Variants in TAFA1 observed in about 807,000 individuals in gnomAD.
TAFA1 encodes TAFA chemokine like family member 1.
TAFA1 carries 4 observed loss-of-function variants against 18.5 expected under a neutral mutation model. That is an observed-to-expected ratio of 0.22 (90% confidence interval 0.11 to 0.49). TAFA1 has a LOEUF of 0.49. Among genes scored for constraint, TAFA1 ranks in the 20% least tolerant of loss-of-function variants. The pLI is 0.98. For synonymous variants in TAFA1, 56 were observed against 55.2 expected (o/e 1.01, Z -0.06); for missense variants, 147 against 169.0 (o/e 0.87, Z 0.72).
At chr3:68,178,895 G>T (rs2066160320) in intron 2 of TAFA1, among the ~76,000 whole-genome samples, 1 of 152,208 alleles carries the variant, frequency 6.6e-6, no homozygotes, top group African/African-American at 2.4e-5. Flanking sequence ...CTTGAAGAAA[G>T]TCAGTAGTAT....
intron 2 of TAFA1, among the ~76,000 whole-genome samples, chr3:68,259,422 T>A (rs2067365250): frequency 6.6e-6 from 1 of 152,208 alleles, no homozygotes; most frequent in Non-Finnish European, 1.5e-5. Context: ...CGATGCGGGC[T>A]CTTTTTTGGT....
intron 2 of TAFA1, among the ~76,000 whole-genome samples, chr3:68,053,844 T>C (rs190235174): frequency 1.2e-4 from 18 of 152,142 alleles, no homozygotes; most frequent in Admixed American, 1.0e-3. Context: ...GCTCAGACTA[T>C]AAGCAAGCAC....
intron 2 of TAFA1, among the ~76,000 whole-genome samples, chr3:68,359,666 C>G (rs1022865967): frequency 4.6e-5 from 7 of 151,816 alleles, no homozygotes; most frequent in African/African-American, 1.5e-4. Flanking sequence ...CCCAGTGGGA[C>G]CGATGTTAAA....
chr3:68,120,269 A>G (rs1403027155), intron 2 of TAFA1, among the ~76,000 whole-genome samples: 2 of 111,936 alleles, frequency 1.8e-5, no homozygotes, highest in Admixed American at 2.3e-4. Context: ...TTCTTTTTTG[A>G]GACAGAGTCT....
chr3:68,159,742 T>G (rs2065903715), intron 2 of TAFA1, among the ~76,000 whole-genome samples: 1 of 152,146 alleles, frequency 6.6e-6, no homozygotes, highest in Admixed American at 6.6e-5. Flanking sequence ...CTGGAAAGTT[T>G]TTGGCCACCA....
chr3:68,274,468 A>G (rs184555610), intron 2 of TAFA1, among the ~76,000 whole-genome samples: 2 of 152,336 alleles, frequency 1.3e-5, no homozygotes, highest in Admixed American at 6.5e-5. Context: ...AGATTCAAAC[A>G]CTGCTGGCAG....
chr3:68,401,477 T>G (rs542037004), intron 2 of TAFA1, among the ~76,000 whole-genome samples: 1 of 152,176 alleles, frequency 6.6e-6, no homozygotes, highest in African/African-American at 2.4e-5. Flanking sequence ...CACAGTGGCA[T>G]CAAATAATAC....
At chr3:68,517,841 G>A (rs1013819462) in intron 3 of TAFA1, among the ~76,000 whole-genome samples, 5 of 152,096 alleles carry the variant, frequency 3.3e-5, no homozygotes, top group African/African-American at 1.2e-4. Context: ...ATAAGGCCTA[G>A]TTAATTAAGA....
intron 3 of TAFA1, among the ~76,000 whole-genome samples, chr3:68,509,578 G>A (rs189255569): frequency 6.6e-6 from 1 of 152,168 alleles, no homozygotes; most frequent in Admixed American, 6.6e-5. Flanking sequence ...AGGACTAGTA[G>A]AAGCCATGAA....
chr3:68,476,813 C>A (rs981767143), intron 3 of TAFA1, among the ~76,000 whole-genome samples: 4 of 152,044 alleles, frequency 2.6e-5, no homozygotes, highest in Admixed American at 1.3e-4. Flanking sequence ...TTAGTTATAA[C>A]TATTAGTGTT....
intron 2 of TAFA1, among the ~76,000 whole-genome samples, chr3:68,095,831 C>T (rs1397377176): frequency 6.6e-6 from 1 of 151,976 alleles, no homozygotes; most frequent in Non-Finnish European, 1.5e-5. Flanking sequence ...TTTATTGATA[C>T]ATAATATTTG....
intron 2 of TAFA1, among the ~76,000 whole-genome samples, chr3:68,187,751 C>T (rs1456929816): frequency 6.6e-6 from 1 of 152,004 alleles, no homozygotes; most frequent in African/African-American, 2.4e-5. Context: ...AGTTTTCTAA[C>T]ACATTACACA....
At chr3:68,402,392 C>G (rs1229513324) in intron 2 of TAFA1, among the ~76,000 whole-genome samples, 1 of 152,110 alleles carries the variant, frequency 6.6e-6, no homozygotes, top group Non-Finnish European at 1.5e-5. Context: ...ATCCGTGCAG[C>G]CAGAGAGGAA....
intron 2 of TAFA1, among the ~76,000 whole-genome samples, chr3:68,253,314 A>G (rs942892164): frequency 1.3e-5 from 2 of 152,142 alleles, no homozygotes; most frequent in African/African-American, 4.8e-5. Context: ...GCTTTTTACA[A>G]TCCCATCTCC....
intron 3 of TAFA1, among the ~76,000 whole-genome samples, chr3:68,465,672 G>A (rs1173966284): frequency 1.3e-5 from 2 of 152,130 alleles, no homozygotes; most frequent in Admixed American, 1.3e-4. Flanking sequence ...CACTGGACAA[G>A]GTGGCCACTT....
intron 2 of TAFA1, among the ~76,000 whole-genome samples, chr3:68,070,162 C>A (rs1221606455): frequency 6.6e-6 from 1 of 152,192 alleles, no homozygotes; most frequent in East Asian, 1.9e-4. Context: ...CCATGAGGGT[C>A]CCACCCTTAC....
intron 2 of TAFA1, among the ~76,000 whole-genome samples, chr3:68,153,085 C>T (rs2065826628): frequency 6.6e-6 from 1 of 152,140 alleles, no homozygotes; most frequent in Non-Finnish European, 1.5e-5. Context: ...GTCCTTCTCA[C>T]TCATGAATGG....
intron 2 of TAFA1, among the ~76,000 whole-genome samples, chr3:68,093,650 G>C (rs1049910563): frequency 3.3e-5 from 5 of 152,084 alleles, no homozygotes; most frequent in Non-Finnish European, 7.4e-5. Context: ...CTCCAGGTCA[G>C]AAGGTTGCAT....
At chr3:68,310,038 T>C (rs2068488504) in intron 2 of TAFA1, among the ~76,000 whole-genome samples, 1 of 152,206 alleles carries the variant, frequency 6.6e-6, no homozygotes, top group South Asian at 2.1e-4. Context: ...TATCAATAAT[T>C]ATTGAAACTT....
Sources: allele counts gnomAD v4.1 joint callset (sites outside exome capture counted in the v4.1 genomes callset), GRCh38; gene constraint gnomAD v4.1.1; transcripts MANE v1.5; gene names NCBI Gene and HGNC (gene_info 2026-07-23, HGNC 2026-07-21).